Variants in RORA observed in about 807,000 individuals in gnomAD.
RORA encodes RAR related orphan receptor A, also known as nuclear receptor ROR-alpha.
Under a neutral mutation model 69.5 loss-of-function variants are expected in RORA, and 7 were observed. The observed-to-expected ratio is 0.10, with a 90% CI of 0.06 to 0.19. The LOEUF (loss-of-function observed/expected upper bound fraction) is 0.19, where lower values mean the gene tolerates loss of function less well. Ranked by LOEUF, RORA falls within the 10% of genes least tolerant of loss-of-function variation. RORA has a pLI of 1.00. For synonymous variants in RORA, 261 were observed against 240.8 expected, an observed-to-expected ratio of 1.08 and a Z score of -0.78; for missense variants, 457 against 663.0, an observed-to-expected ratio of 0.69 and a Z score of 3.41.
intron 1 of RORA, among the ~76,000 whole-genome samples, chr15:60,725,604 T>C (rs1456549523): frequency 2.6e-5 from 4 of 152,226 alleles, no homozygotes; most frequent in Non-Finnish European, 4.4e-5. Context: ...TTTTAAAATA[T>C]ACAATTAAAT....
intron 1 of RORA, among the ~76,000 whole-genome samples, chr15:61,164,276 AC>A (rs2079522648): frequency 6.6e-6 from 1 of 152,160 alleles, no homozygotes; most frequent in Admixed American, 6.5e-5. Flanking sequence ...TAGTGTCCAA[AC>A]CCATAAATTA....
At chr15:60,771,608 C>T (rs1283026438) in intron 1 of RORA, among the ~76,000 whole-genome samples, 1 of 152,242 alleles carries the variant, frequency 6.6e-6, no homozygotes. Context: ...TCTCACACTT[C>T]TTTCCCTGCA....
At chr15:60,621,720 G>A (rs538032322) in intron 2 of RORA, among the ~76,000 whole-genome samples, 42 of 151,410 alleles carry the variant, frequency 2.8e-4, no homozygotes, top group African/African-American at 9.7e-4. Context: ...GGAAGAGAAA[G>A]ACTATGTTCC....
intron 1 of RORA, among the ~76,000 whole-genome samples, chr15:60,887,156 G>C (rs977738403): frequency 3.9e-5 from 6 of 152,164 alleles, no homozygotes; most frequent in Admixed American, 3.9e-4. Context: ...GAGAGAGAGA[G>C]AGAGAGAGAG....
chr15:61,005,305 C>T (rs1462480527), intron 1 of RORA, among the ~76,000 whole-genome samples: 1 of 152,084 alleles, frequency 6.6e-6, no homozygotes, highest in African/African-American at 2.4e-5. Context: ...CATGGTGAAA[C>T]ACCACCTTTA....
At chr15:60,947,214 C>A (rs989630362) in intron 1 of RORA, among the ~76,000 whole-genome samples, 10 of 151,176 alleles carry the variant, frequency 6.6e-5, no homozygotes, top group Non-Finnish European at 1.3e-4. Context: ...TCATTGAGAA[C>A]GGGCCATGAT....
chr15:61,086,146 CA>C (rs1402109518), intron 1 of RORA, among the ~76,000 whole-genome samples: 1 of 152,260 alleles, frequency 6.6e-6, no homozygotes, highest in Non-Finnish European at 1.5e-5. Context: ...TAATCCTTTT[CA>C]AACTGCAAAA....
intron 2 of RORA, among the ~76,000 whole-genome samples, chr15:60,578,610 G>T (rs1192191298): frequency 6.6e-6 from 1 of 152,032 alleles, no homozygotes; most frequent in African/African-American, 2.4e-5. Flanking sequence ...CTTTTCCCTG[G>T]AGACAAACAT....
chr15:61,032,651 A>C (rs1896233610), intron 1 of RORA, among the ~76,000 whole-genome samples: 1 of 152,192 alleles, frequency 6.6e-6, no homozygotes, highest in South Asian at 2.1e-4. Flanking sequence ...AAAAGAGGCC[A>C]AAGTTAAGTC....
chr15:61,171,849 C>T (rs541216012), intron 1 of RORA, among the ~76,000 whole-genome samples: 1 of 152,268 alleles, frequency 6.6e-6, no homozygotes, highest in South Asian at 2.1e-4. Context: ...GGGAGAGGAA[C>T]GATGCCTTTA....
chr15:60,888,738 T>C (rs16943286), intron 1 of RORA, among the ~76,000 whole-genome samples: 12,969 of 151,906 alleles, frequency 0.085, 982 homozygotes, highest in African/African-American at 0.2. Context: ...ATCAGGCGGG[T>C]GCTTGTCAAT....
At chr15:60,545,736 G>A (rs1259387417) in intron 2 of RORA, among the ~76,000 whole-genome samples, 2 of 152,064 alleles carry the variant, frequency 1.3e-5, no homozygotes, top group African/African-American at 4.8e-5. Context: ...CCTCATTCTT[G>A]ACTTTTAGAC....
chr15:61,134,239 T>C (rs1298167522), intron 1 of RORA, among the ~76,000 whole-genome samples: 4 of 152,222 alleles, frequency 2.6e-5, no homozygotes, highest in East Asian at 1.9e-4. Flanking sequence ...TGCCGGCTTA[T>C]TGATGATCTA....
At position 60,490,007 on chromosome 15, in the gene RORA, C is replaced by G. The variant is rs1462981828; in HGVS notation, c.*7448G>C. On this transcript the variant is annotated 3_prime_UTR_variant, in exon 11 of 11. Transcript: ENST00000335670. The surrounding 1 kb of genome is among the most constrained non-coding windows in gnomAD (Gnocchi z 4.1). ...TAGCCATATTTATAAACAAATTCAC[C>G]CTATAGATGTCAAATATCCATACTA... 2 of 151,696 alleles carry G rather than the reference C, an allele frequency of 1.3e-5. No individual in the cohort carries two copies. Among genetic ancestry groups the G allele is most frequent in the African/African-American group, 4.8e-5 (2 of 41,296 alleles). The allele number at this position is 151,696 out of a possible 1,614,324, so 9.4% of individuals were successfully genotyped here.
chr15:60,674,052 C>T (rs1005862690), intron 2 of RORA, among the ~76,000 whole-genome samples: 6 of 152,302 alleles, frequency 3.9e-5, no homozygotes, highest in African/African-American at 9.6e-5. Context: ...AGAACTTCAG[C>T]GTGGCTTCTT....
At chr15:61,203,134 C>T (rs1016116352) in intron 1 of RORA, among the ~76,000 whole-genome samples, 1 of 152,086 alleles carries the variant, frequency 6.6e-6, no homozygotes, top group African/African-American at 2.4e-5. Context: ...AATGAAGGAA[C>T]AGAATACTAT....
At chr15:60,812,325 G>T (rs1367314614) in intron 1 of RORA, among the ~76,000 whole-genome samples, 1 of 152,068 alleles carries the variant, frequency 6.6e-6, no homozygotes, top group Non-Finnish European at 1.5e-5. Flanking sequence ...GCAACATACT[G>T]AGACCCCATC....
chr15:60,876,465 C>T lies in RORA; in HGVS notation c.167-197779G>A, dbSNP rs191008994. ...CTTCTTAGGCCAAAGATAATGTTCT[C>T]TTTGGAAATCCTGGACATTACTGCA... On this transcript the variant is annotated intron_variant, in intron 1 of 10. Transcript: ENST00000335670. Among the ~76,000 whole-genome samples, 400 of 152,258 alleles carry T rather than the reference C, an allele frequency of 2.6e-3. 3 individuals carry two copies. Among genetic ancestry groups the T allele is most frequent in the African/African-American group, 9.1e-3 (379 of 41,532 alleles).
chr15:61,184,025 C>T (rs2079714975), intron 1 of RORA, among the ~76,000 whole-genome samples: 1 of 152,164 alleles, frequency 6.6e-6, no homozygotes, highest in African/African-American at 2.4e-5. Context: ...TGAACTGACA[C>T]AGAGCCATCT....
Sources: allele counts gnomAD v4.1 joint callset (sites outside exome capture counted in the v4.1 genomes callset), GRCh38; gene constraint gnomAD v4.1.1; non-coding constraint Gnocchi (gnomAD v3.1); transcripts MANE v1.5; gene names NCBI Gene and HGNC (gene_info 2026-07-23, HGNC 2026-07-21).